The following SLC30A4 variants were observed in gnomAD, a reference collection of about 807,000 sequenced individuals.
SLC30A4 encodes solute carrier family 30 member 4, also known as probable proton-coupled zinc antiporter SLC30A4.
Under a neutral mutation model 41.7 loss-of-function variants are expected in SLC30A4, and 20 were observed. That is an observed-to-expected ratio of 0.48 (90% CI 0.34 to 0.70). The LOEUF (loss-of-function observed/expected upper bound fraction) is 0.70. SLC30A4 is among the 30% of genes least tolerant of loss of function. The pLI, the probability that SLC30A4 is intolerant of heterozygous loss-of-function variation, is 0.01. For missense variants in SLC30A4, 441 were observed against 529.3 expected (o/e 0.83, Z 1.64); for synonymous variants, 181 against 195.9 (o/e 0.92, Z 0.64).
intron 2 of SLC30A4, among the ~76,000 whole-genome samples, chr15:45,511,630 C>T (rs1017555928): frequency 1.4e-4 from 21 of 152,202 alleles, no homozygotes; most frequent in African/African-American, 4.1e-4. Context: ...ACTACAGGCA[C>T]GTGCCACCAC....
chr15:45,486,594 TA>T lies in SLC30A4; in HGVS notation c.1135+16del. The stretch of plus-strand genomic sequence containing the variant: ...AGTCCACCAACCCCAGGCCCACATT[TA>T]CTACCAGCAACATACTTAGCTGTAT... On this transcript the variant is annotated intron_variant, in intron 7 of 7. Coordinates refer to ENST00000261867, the MANE Select transcript of SLC30A4 (RefSeq NM_013309.6). 6.3e-7 allele frequency: 1 copy of T among 1,575,102 alleles called. No homozygotes were observed. Among genetic ancestry groups the T allele is most frequent in the Non-Finnish European group, 8.6e-7 (1 of 1,166,306 alleles).
chr15:45,515,394 C>G (rs1248477455), intron 2 of SLC30A4, among the ~76,000 whole-genome samples: 2 of 152,178 alleles, frequency 1.3e-5, no homozygotes, highest in East Asian at 1.9e-4. Context: ...GTGGCTCACA[C>G]CTGTAATCCC....
At chr15:45,486,784 G>A in intron 6 of SLC30A4, 39 bp from the exon 7 acceptor site, 3 of 1,192,206 alleles carry the variant, frequency 2.5e-6, no homozygotes, top group South Asian at 4.0e-5. Context: ...AATTTATTTT[G>A]GAAATAAAGG....
chr15:45,491,562 C>G (rs998129499), intron 3 of SLC30A4, among the ~76,000 whole-genome samples: 30 of 152,140 alleles, frequency 2.0e-4, no homozygotes, highest in African/African-American at 7.0e-4. Flanking sequence ...CTCCGTCTCT[C>G]TTGGTTTTTC....
rs145350286 is a variant in SLC30A4, at chr15:45,487,911, A to AGTGTGTGTGTGT, written c.895-291_895-280dup. 1.6e-3 allele frequency among the ~76,000 whole-genome samples: 225 copies of AGTGTGTGTGTGT among 137,670 alleles called. 1 individual carries two copies. The highest frequency in any genetic ancestry group is 4.6e-3 in the African/African-American group (169 of 36,458). The allele number at this position is 137,670 out of a possible 152,430, so 90.3% of individuals were successfully genotyped here. Reference sequence around the variant, plus strand: ...AGAATATCAGAGCTGGAAAGAAGTAAGTGTGTGTGTGTGTGTGTGTGTGTG... The same window carrying AGTGTGTGTGTGT: ...AGAATATCAGAGCTGGAAAGAAGTAAGTGTGTGTGTGTGTGTGTGTGTGTGTGTGTGTGTGTG... On this transcript the variant is annotated intron_variant, in intron 5 of 7. Coordinates refer to ENST00000261867, the MANE Select transcript of SLC30A4 (RefSeq NM_013309.6).
Position 45,482,783 on chromosome 15 carries a change from GT to G in SLC30A4, c.*2379del, listed in dbSNP as rs967438075. 2 of 152,056 alleles carry G rather than the reference GT, an allele frequency of 1.3e-5. No homozygotes were observed. The highest frequency in any genetic ancestry group is 4.8e-5 in the African/African-American group (2 of 41,410). The allele number at this position is 152,056 out of a possible 1,614,324, so 9.4% of individuals were successfully genotyped here. ...GACTTCACAATAGGAATCCCATCAT[GT>G]ATATTTTCTTTTCCTTTTTGTTTTT... On this transcript the variant is annotated 3_prime_UTR_variant, in exon 8 of 8. Transcript: ENST00000261867.
At chr15:45,515,505 A>G (rs1595532119) in intron 2 of SLC30A4, among the ~76,000 whole-genome samples, 2 of 152,088 alleles carry the variant, frequency 1.3e-5, no homozygotes, top group South Asian at 4.2e-4. Context: ...ATACAAAAAA[A>G]TAGCAGGCGT....
At chr15:45,521,383 T>C (rs1053332358) in intron 2 of SLC30A4, among the ~76,000 whole-genome samples, 10 of 152,180 alleles carry the variant, frequency 6.6e-5, no homozygotes, top group Non-Finnish European at 1.3e-4. Context: ...GCAAATCTCT[T>C]GGCTATAAAT....
chr15:45,512,918 A>G (rs1335410123), intron 2 of SLC30A4, among the ~76,000 whole-genome samples: 1 of 152,014 alleles, frequency 6.6e-6, no homozygotes, highest in Non-Finnish European at 1.5e-5. Flanking sequence ...GCTTGAGTGT[A>G]AGAGTCTGAG....
rs375200671 is a variant in SLC30A4 at position 45,486,539 on chromosome 15, T to C, written c.1135+72A>G. ...GCAGAAAAGTCTTCCTACATAATTA[T>C]AAGCAGGGATGTTTAGTTTCAAAGG... On this transcript the variant is annotated intron_variant, in intron 7 of 7. Coordinates refer to ENST00000261867, the MANE Select transcript of SLC30A4 (RefSeq NM_013309.6). The C allele has an allele frequency of 1.3e-3, 1,707 of 1,323,394 alleles. 4 individuals are homozygous for C. Among genetic ancestry groups the C allele is most frequent in the Non-Finnish European group, 1.5e-3 (1,489 of 971,638 alleles). 82.0% of individuals were successfully genotyped at this position (1,323,394 alleles called of 1,614,324 possible).
Position 45,522,441 on chromosome 15 carries a change from A to C in SLC30A4, c.-87T>G. The stretch of plus-strand genomic sequence containing the variant: ...TACTTCACCGGAGCGCCAGTTCTCG[A>C]GGGCAGTGCCGCGCGTCCCTCCCCA... On this transcript the variant is annotated 5_prime_UTR_variant, in exon 2 of 8. Transcript: ENST00000261867. 1 of 1,291,550 alleles carries C rather than the reference A, an allele frequency of 7.7e-7. No individual in the cohort carries two copies. The highest frequency in any genetic ancestry group is 1.0e-6 in the Non-Finnish European group (1 of 953,204). The allele number at this position is 1,291,550 out of a possible 1,614,324, so 80.0% of individuals were successfully genotyped here. A position where few individuals can be genotyped will look rare whatever the true frequency, so the allele number is the denominator to read the frequency against.
chr15:45,491,384 C>T (rs568989323), intron 3 of SLC30A4, among the ~76,000 whole-genome samples: 7 of 152,314 alleles, frequency 4.6e-5, no homozygotes, highest in Middle Eastern at 3.4e-3. Context: ...ATATTTGTCA[C>T]GTATGTGATC....
chr15:45,516,323 G>A lies in SLC30A4; in HGVS notation c.392-5039C>T, dbSNP rs368785763. On this transcript the variant is annotated intron_variant, in intron 2 of 7. Coordinates refer to ENST00000261867, the MANE Select transcript of SLC30A4 (RefSeq NM_013309.6). ...GATCAGTAGTGTTAGCATCCCCTGG[G>A]ATTTTGTGTTTTAACAAGTTCTCTA... Among the ~76,000 whole-genome samples, 10 of 152,268 alleles carry A rather than the reference G, an allele frequency of 6.6e-5. No individual in the cohort carries two copies. In the East Asian group the frequency reaches 1.9e-3, roughly 29 times the overall value.
chr15:45,481,572 C>G lies in SLC30A4; in HGVS notation c.*3591G>C, dbSNP rs1891602364. On this transcript the variant is annotated 3_prime_UTR_variant, in exon 8 of 8. Transcript: ENST00000261867. ...TTGTGGTCTGTGGTCCTGTCATAAT[C>G]TGTTTTCCCAGTGCAAAATTAATAA... 6.6e-6 allele frequency: 1 copy of G among 152,190 alleles called. No homozygotes were observed. Among genetic ancestry groups the G allele is most frequent in the Non-Finnish European group, 1.5e-5 (1 of 68,022 alleles). 9.4% of individuals were successfully genotyped at this position (152,190 alleles called of 1,614,324 possible). A position where few individuals can be genotyped will look rare whatever the true frequency, so the allele number is the denominator to read the frequency against.
At chr15:45,501,151 C>T (rs1892024024) in intron 3 of SLC30A4, among the ~76,000 whole-genome samples, 3 of 151,208 alleles carry the variant, frequency 2.0e-5, no homozygotes, top group Admixed American at 1.3e-4. Flanking sequence ...ACTAAAAATA[C>T]AAAAAAATTA....
At position 45,522,018 on chromosome 15, in the gene SLC30A4, T is replaced by C. The variant is rs1754257653; in HGVS notation, c.337A>G (p.Arg113Gly). The C allele has an allele frequency of 1.9e-6, 3 of 1,614,248 alleles. No individual in the cohort carries two copies. The highest frequency in any genetic ancestry group is 8.5e-7 in the Non-Finnish European group (1 of 1,180,036). ...EILKQRKVKA[R>G]LTIAAVLYLL... ...TACAGAACGGCAGCAATGGTCAACCTGGCTTTCACCTTTCTCTGCTTCAGT... is the reference window on the plus strand; with the variant it reads ...TACAGAACGGCAGCAATGGTCAACCCGGCTTTCACCTTTCTCTGCTTCAGT... Residue 113 changes from arginine to glycine, a missense_variant, in exon 2 of 8, where the codon AGG (arginine) becomes GGG (glycine). Transcript: ENST00000261867.
rs568342595 is a variant in SLC30A4, at chr15:45,493,354, C to T, written c.539-2473G>A. On this transcript the variant is annotated intron_variant, in intron 3 of 7. Transcript: ENST00000261867. ...CCTTTAGAGAAACCTGACACTAATC[C>T]TGTAAGTGTTAATAGGTAAAATAAT... 2.1e-4 allele frequency among the ~76,000 whole-genome samples: 32 copies of T among 152,236 alleles called. No homozygotes were observed. In the South Asian group the frequency reaches 6.4e-3, roughly 31 times the overall value.
In SLC30A4 at chr15:45,486,748, AT is replaced by A; in HGVS notation, c.1001-4del. 1 of 1,457,872 alleles carries A rather than the reference AT, an allele frequency of 6.9e-7. No individual in the cohort carries two copies. Among genetic ancestry groups the A allele is most frequent in the Non-Finnish European group, 9.2e-7 (1 of 1,086,602 alleles). 90.3% of individuals were successfully genotyped at this position (1,457,872 alleles called of 1,614,324 possible). A position where few individuals can be genotyped will look rare whatever the true frequency, so the allele number is the denominator to read the frequency against. On this transcript the variant is annotated splice_region_variant and splice_polypyrimidine_tract_variant and intron_variant, in intron 6 of 7. Coordinates refer to ENST00000261867, the MANE Select transcript of SLC30A4 (RefSeq NM_013309.6). The stretch of plus-strand genomic sequence containing the variant: ...TACATTCAAATGGCTTGGCACACCT[AT>A]TAGGAATATATAATTTCTAAGTAAA...
intron 2 of SLC30A4, chr15:45,519,418 A>C (rs186403282): frequency 6.6e-6 from 1 of 151,908 alleles, no homozygotes; most frequent in Non-Finnish European, 1.5e-5. Flanking sequence ...TTGTATTTTC[A>C]GTAGAGACGG....
Sources: gnomAD v4.1 joint callset for allele counts (sites outside exome capture counted in the v4.1 genomes callset) on GRCh38, gnomAD v4.1.1 for gene constraint, MANE v1.5 for transcripts, NCBI Gene and HGNC (gene_info 2026-07-23, HGNC 2026-07-21) for gene names.